CPSF3: variants seen among roughly 807,000 people sequenced by gnomAD.
CPSF3 encodes cleavage and polyadenylation specificity factor subunit 3.
CPSF3 carries 57 observed loss-of-function variants against 84.1 expected under a neutral mutation model. That is an observed-to-expected ratio of 0.68 (90% confidence interval 0.55 to 0.85). The LOEUF (loss-of-function observed/expected upper bound fraction) is 0.85. Ranked by LOEUF, CPSF3 falls within the 40% of genes least tolerant of loss-of-function variation. The pLI is 0.00. For synonymous variants in CPSF3, 275 were observed against 278.1 expected (o/e 0.99, Z 0.11); for missense variants, 522 against 838.8 (o/e 0.62, Z 4.66).
Position 9,455,694 on chromosome 2 carries a change from A to G in CPSF3, c.1540A>G (p.Thr514Ala), listed in dbSNP as rs143479166. Residue 514 changes from threonine to alanine, a missense_variant, in exon 13 of 18, where the codon ACC becomes GCC. Transcript: ENST00000238112. ...TDLAMSTVKQ[T>A]QAIPYTGPFN... ...CCTGGCCATGAGCACGGTGAAGCAGACCCAAGCCATTCCATATACTGGTCC... is the reference window on the plus strand; with the variant it reads ...CCTGGCCATGAGCACGGTGAAGCAGGCCCAAGCCATTCCATATACTGGTCC... The G allele has an allele frequency of 3.1e-6, 5 of 1,614,122 alleles. No individual in the cohort carries two copies. Among genetic ancestry groups the G allele is most frequent in the Admixed American group, 3.3e-5 (2 of 60,008 alleles).
chr2:9,468,772 G>A (rs899431479), intron 16 of CPSF3, among the ~76,000 whole-genome samples: 2 of 151,690 alleles, frequency 1.3e-5, no homozygotes, highest in Admixed American at 6.6e-5. Context: ...GACTATAGGC[G>A]CATGCCCACC....
At chr2:9,433,766 C>G in intron 5 of CPSF3, 105 bp from the exon 6 acceptor site, 1 of 745,408 alleles carries the variant, frequency 1.3e-6, no homozygotes, top group Non-Finnish European at 2.3e-6. Flanking sequence ...CAGTTTTAGA[C>G]TTAAAAACTG....
At chr2:9,467,897 G>A (rs1260964600) in intron 16 of CPSF3, 121 bp downstream of exon 16, 23 of 717,224 alleles carry the variant, frequency 3.2e-5, no homozygotes, top group Admixed American at 5.3e-5. Context: ...TGCCATGCTC[G>A]GAGGCCTGCT....
At chr2:9,458,317 T>C (rs1215189598) in intron 14 of CPSF3, among the ~76,000 whole-genome samples, 1 of 151,952 alleles carries the variant, frequency 6.6e-6, no homozygotes, top group East Asian at 1.9e-4. Flanking sequence ...GGCAGGAGAA[T>C]CACTTGCATC....
At chr2:9,452,631 G>A (rs559219356) in intron 11 of CPSF3, among the ~76,000 whole-genome samples, 1 of 152,282 alleles carries the variant, frequency 6.6e-6, no homozygotes, top group African/African-American at 2.4e-5. Context: ...GCTAGTGAGA[G>A]CTTTCTTAAG....
intron 15 of CPSF3, among the ~76,000 whole-genome samples, chr2:9,462,535 G>A (rs1260920273): frequency 1.3e-5 from 2 of 152,104 alleles, no homozygotes; most frequent in African/African-American, 2.4e-5. Context: ...TTCTGATGAG[G>A]GCTCTGCCTA....
In CPSF3 at chr2:9,471,453, C is replaced by T. The variant is rs748483628; in HGVS notation, c.1953+14C>T. 6.1e-5 allele frequency: 90 copies of T among 1,467,866 alleles called. No individual in the cohort carries two copies. The highest frequency in any genetic ancestry group is 8.2e-5 in the Non-Finnish European group (86 of 1,046,924). 90.9% of individuals were successfully genotyped at this position (1,467,866 alleles called of 1,614,324 possible). ...TTGGAGACACGGGTATGTAGCTGCT[C>T]TTTCCTACGTTTCAAGACATTTGGG... On this transcript the variant is annotated intron_variant, in intron 17 of 17. Transcript: ENST00000238112.
At chr2:9,428,525 C>G (rs574189172) in intron 1 of CPSF3, among the ~76,000 whole-genome samples, 2 of 152,306 alleles carry the variant, frequency 1.3e-5, no homozygotes, top group African/African-American at 4.8e-5. Flanking sequence ...ACCGCCTTCT[C>G]TCTTAATTTT....
Position 9,471,443 on chromosome 2 carries a change from T to C in CPSF3, c.1953+4T>C, listed in dbSNP as rs746515829. ...CAACCTTAACTTGGAGACACGGGTA[T>C]GTAGCTGCTCTTTCCTACGTTTCAA... On this transcript the variant is annotated splice_donor_region_variant and intron_variant, in intron 17 of 17. Coordinates refer to ENST00000238112, the MANE Select transcript of CPSF3 (RefSeq NM_016207.4). 20 of 1,547,060 alleles carry C rather than the reference T, an allele frequency of 1.3e-5. No individual in the cohort carries two copies. In the African/African-American group the frequency reaches 2.6e-4, roughly 20 times the overall value.
intron 3 of CPSF3, among the ~76,000 whole-genome samples, chr2:9,430,246 A>C (rs1424740541): frequency 1.3e-5 from 2 of 152,242 alleles, no homozygotes; most frequent in African/African-American, 4.8e-5. Flanking sequence ...AGTATGTGAG[A>C]AGGAGATAGT....
intron 9 of CPSF3, among the ~76,000 whole-genome samples, chr2:9,442,874 A>C (rs980952161): frequency 6.6e-6 from 1 of 151,696 alleles, no homozygotes; most frequent in Admixed American, 6.6e-5. Flanking sequence ...GAAAAAAAAA[A>C]TTTCCAGGCC....
chr2:9,464,192 T>C (rs1239858432), intron 15 of CPSF3, among the ~76,000 whole-genome samples: 2 of 152,228 alleles, frequency 1.3e-5, no homozygotes, highest in Non-Finnish European at 2.9e-5. Context: ...ATAACATTCT[T>C]CTATTTTACA....
Position 9,430,795 on chromosome 2 carries a change from A to C in CPSF3, c.256A>C (p.Lys86Gln). 1 of 1,613,864 alleles carries C rather than the reference A, an allele frequency of 6.2e-7. No individual in the cohort carries two copies. The highest frequency in any genetic ancestry group is 8.5e-7 in the Non-Finnish European group (1 of 1,179,780). The change falls in exon 4 of 18, where the codon AAG becomes CAG. Residue 86 changes from lysine (K) to glutamine (Q), a missense_variant. By Grantham distance (53) the Lys-to-Gln change is moderately conservative. Transcript: ENST00000238112. ...HCGALPWFLQKTSFKGRTFMT... is the reference protein window; with the variant it reads ...HCGALPWFLQQTSFKGRTFMT... ...TGGAGCTCTGCCCTGGTTTCTACAG[A>C]AGACAAGTTTCAAAGGAAGAACATT... is the stretch of plus-strand genomic sequence containing the variant.
At chr2:9,433,355 A>G (rs1680665193) in intron 5 of CPSF3, among the ~76,000 whole-genome samples, 1 of 152,194 alleles carries the variant, frequency 6.6e-6, no homozygotes, top group South Asian at 2.1e-4. Context: ...GTCACGTCCT[A>G]AATTTTTCAC....
In CPSF3 at chr2:9,454,426, TAGC is replaced by T. The variant is rs374504616; in HGVS notation, c.1505-1227_1505-1225del. Among the ~76,000 whole-genome samples, 1,327 of 151,786 alleles carry T rather than the reference TAGC, an allele frequency of 8.7e-3. 5 individuals carry two copies. Among genetic ancestry groups the T allele is most frequent in the Non-Finnish European group, 0.014 (943 of 67,934 alleles). ...CTGTCTCAAAAAAGAAAGAAAGAAA[TAGC>T]AGCAGTGGTGAGGTATTTACCTGTG... On this transcript the variant is annotated intron_variant, in intron 12 of 17. Transcript: ENST00000238112.
chr2:9,460,840 G>A (rs572329126), intron 15 of CPSF3, among the ~76,000 whole-genome samples: 3 of 152,018 alleles, frequency 2.0e-5, no homozygotes, highest in Non-Finnish European at 2.9e-5. Flanking sequence ...GTGAGTCTCC[G>A]GCATATGGAG....
At chr2:9,439,170 C>T (rs769076086) in intron 7 of CPSF3, among the ~76,000 whole-genome samples, 2 of 152,060 alleles carry the variant, frequency 1.3e-5, no homozygotes, top group Non-Finnish European at 2.9e-5. Flanking sequence ...ATTGATACAT[C>T]AAATGGAAGA....
intron 16 of CPSF3, among the ~76,000 whole-genome samples, chr2:9,468,847 C>T (rs1022057651): frequency 6.6e-5 from 10 of 151,850 alleles, no homozygotes; most frequent in Admixed American, 2.0e-4. Flanking sequence ...AGGCTGGTCA[C>T]GAACTCCTGA....
At chr2:9,440,063 T>C (rs2124821590) in intron 7 of CPSF3, among the ~76,000 whole-genome samples, 1 of 152,328 alleles carries the variant, frequency 6.6e-6, no homozygotes, top group East Asian at 1.9e-4. Flanking sequence ...CAATTCTCTT[T>C]TGTAATTAGC....
Sources: gnomAD v4.1 joint callset for allele counts (sites outside exome capture counted in the v4.1 genomes callset) on GRCh38, gnomAD v4.1.1 for gene constraint, MANE v1.5 for transcripts, NCBI Gene and HGNC (gene_info 2026-07-23, HGNC 2026-07-21) for gene names.